The following SHPRH variants were observed in gnomAD, a reference collection of about 807,000 sequenced individuals.
SHPRH encodes SNF2 histone linker PHD RING helicase.
Under a neutral mutation model 202.5 loss-of-function variants are expected in SHPRH, and 106 were observed. The ratio of observed to expected loss-of-function variants is 0.52; its 90% confidence interval spans 0.45 to 0.62. The LOEUF is 0.62. SHPRH is among the 20% of genes least tolerant of loss of function. The probability of loss-of-function intolerance (pLI) is 0.00; values close to 1 mark genes in which losing one functional copy is unlikely to be tolerated. For synonymous variants in SHPRH, 729 were observed against 686.0 expected, an observed-to-expected ratio of 1.06 and a Z score of -0.98; for missense variants, 1,710 against 2,020.0, an observed-to-expected ratio of 0.85 and a Z score of 2.94.
intron 2 of SHPRH, among the ~76,000 whole-genome samples, chr6:145,869,546 A>C (rs912688058): frequency 5.9e-5 from 9 of 152,160 alleles, no homozygotes; most frequent in African/African-American, 1.9e-4. Context: ...TTGTGTGTGG[A>C]TGTCCATTTG....
downstream of SHPRH, among the ~76,000 whole-genome samples, chr6:145,860,221 G>C (rs1365956425): frequency 6.6e-6 from 1 of 151,826 alleles, no homozygotes; most frequent in East Asian, 1.9e-4. Context: ...CTTATATCAT[G>C]CACATAACAT....
At chr6:145,956,074 C>A (rs962721944) in intron 1 of SHPRH, among the ~76,000 whole-genome samples, 8 of 151,932 alleles carry the variant, frequency 5.3e-5, no homozygotes, top group Non-Finnish European at 1.0e-4. Flanking sequence ...GCAGAATAAG[C>A]TTAAACAATG....
At chr6:145,862,474 GA>G (rs1169013334), downstream of SHPRH, among the ~76,000 whole-genome samples, 1 of 151,404 alleles carries the variant, frequency 6.6e-6, no homozygotes, top group Non-Finnish European at 1.5e-5. Flanking sequence ...AAAACAAAAA[GA>G]AAAAACAAAA....
At chr6:145,913,343 T>C (rs1783664402) in intron 24 of SHPRH, 135 bp downstream of exon 24, 1 of 704,804 alleles carries the variant, frequency 1.4e-6, no homozygotes, top group Non-Finnish European at 2.3e-6. Context: ...CCTCTAGTGC[T>C]ATCTTTAAGA....
chr6:145,944,575 G>A (rs983423656), intron 8 of SHPRH, among the ~76,000 whole-genome samples: 1 of 151,926 alleles, frequency 6.6e-6, no homozygotes, highest in Non-Finnish European at 1.5e-5. Context: ...TTTGGTGGTA[G>A]CAGGATTACC....
intron 21 of SHPRH, among the ~76,000 whole-genome samples, chr6:145,920,444 A>C (rs1327564000): frequency 6.6e-6 from 1 of 152,140 alleles, no homozygotes; most frequent in African/African-American, 2.4e-5. Context: ...TTTTGATGTT[A>C]TAAATGTATT....
intron 2 of SHPRH, among the ~76,000 whole-genome samples, chr6:145,868,031 TCA>T (rs1300299328): frequency 6.6e-6 from 1 of 152,166 alleles, no homozygotes; most frequent in Non-Finnish European, 1.5e-5. Flanking sequence ...ATTGTTTTTC[TCA>T]CAATTCTAGA....
At chr6:145,922,937 T>A (rs1784548274) in intron 18 of SHPRH, 101 bp from the exon 19 acceptor site, 1 of 1,313,112 alleles carries the variant, frequency 7.6e-7, no homozygotes, top group Non-Finnish European at 9.8e-7. Flanking sequence ...TTAAAGAAAC[T>A]GTTTGCTGTT....
chr6:145,899,069 C>T (rs1267212973), intron 25 of SHPRH, among the ~76,000 whole-genome samples: 2 of 152,104 alleles, frequency 1.3e-5, no homozygotes, highest in Non-Finnish European at 2.9e-5. Flanking sequence ...CTGCCTTGGC[C>T]TCCCAAGGCA....
rs1204536481 is a variant in SHPRH at position 145,926,239 on chromosome 6, G to A, written c.3259C>T (p.Pro1087Ser). 1.2e-6 allele frequency: 2 copies of A among 1,612,928 alleles called. No individual in the cohort carries two copies. The highest frequency in any genetic ancestry group is 1.7e-6 in the Non-Finnish European group (2 of 1,179,248). Residue 1087 changes from proline to serine, a missense_variant, in exon 16 of 30, where the codon CCA becomes TCA. By Grantham distance (74) the Pro-to-Ser change is moderately conservative. Coordinates refer to ENST00000275233, the MANE Select transcript of SHPRH (RefSeq NM_001042683.3). Reference protein sequence around the residue: ...ELLIARHPGIPPTLRDGRLEE... With the variant: ...ELLIARHPGISPTLRDGRLEE... ...AGTCGGCCATCACGCAAGGTAGGTG[G>A]TATCCCTGGGTGCCTGGCTATCAAC... is the stretch of plus-strand genomic sequence containing the variant.
chr6:145,943,188 C>T lies in SHPRH; in HGVS notation c.2193G>A (p.Val731=). 1 of 1,612,328 alleles carries T rather than the reference C, an allele frequency of 6.2e-7. No individual in the cohort carries two copies. Among genetic ancestry groups the T allele is most frequent in the Non-Finnish European group, 8.5e-7 (1 of 1,179,006 alleles). ...ISPSSICHQW[V]DEINRHVRSS... ...ACCTCACATGCCTGTTGATCTCATC[C>T]ACCCACTGGTGACAGATGGAACTTG... The change falls in exon 9 of 30, where the codon GTG becomes GTA. Residue 731 remains valine, a synonymous_variant. Transcript: ENST00000275233.
intron 28 of SHPRH, among the ~76,000 whole-genome samples, chr6:145,890,808 C>T (rs1048506392): frequency 6.6e-6 from 1 of 152,200 alleles, no homozygotes; most frequent in Admixed American, 6.5e-5. Flanking sequence ...CTTCATCCTT[C>T]TAGTTGTCCA....
chr6:145,946,093 T>C (rs935742428), intron 7 of SHPRH, 140 bp downstream of exon 7: 19 of 590,628 alleles, frequency 3.2e-5, no homozygotes, highest in African/African-American at 9.6e-5. Context: ...TTATGACTTG[T>C]AATTGAATTC....
chr6:145,955,247 G>A lies in SHPRH; in HGVS notation c.76C>T (p.His26Tyr), dbSNP rs1466854443. 6.2e-7 allele frequency: 1 copy of A among 1,612,864 alleles called. No individual in the cohort carries two copies. Among genetic ancestry groups the A allele is most frequent in the Non-Finnish European group, 8.5e-7 (1 of 1,179,898 alleles). ...EKRQQLHWNM[H>Y]EDRRNEPIII... is the part of the protein sequence containing the mutation. ...ATAGGTTCATTCCTTCTGTCCTCAT[G>A]CATATTCCAATGAAGCTGCTGCCTC... The change falls in exon 2 of 30, where the codon CAT (histidine) becomes TAT (tyrosine). Residue 26 changes from histidine to tyrosine, a missense_variant. His to Tyr is a moderately conservative substitution (Grantham distance 83). Around this residue, in one of 8 missense-constraint regions of SHPRH, gnomAD observed 459 missense variants for 426.5 expected, o/e 1.08. Transcript: ENST00000275233.
chr6:145,935,075 C>G lies in SHPRH; in HGVS notation c.2822G>C (p.Cys941Ser). The stretch of plus-strand genomic sequence containing the variant: ...GAGTTTTACCACCACATCCTGGCAG[C>G]ACACCTCATGCTGACGGTGATAGAA... Reference protein sequence around the residue: ...RHFYHRQHEVCCQDVVVKLRK... With the variant: ...RHFYHRQHEVSCQDVVVKLRK... The change falls in exon 13 of 30, where the codon TGC becomes TCC. Residue 941 changes from cysteine to serine, a missense_variant. By Grantham distance (112) the Cys-to-Ser change is moderately radical. Coordinates refer to ENST00000275233, the MANE Select transcript of SHPRH (RefSeq NM_001042683.3). The G allele has an allele frequency of 6.2e-7, 1 of 1,613,712 alleles. No individual in the cohort carries two copies. The highest frequency in any genetic ancestry group is 8.5e-7 in the Non-Finnish European group (1 of 1,179,958).
chr6:145,929,621 T>G (rs147129158), intron 14 of SHPRH, among the ~76,000 whole-genome samples: 19 of 152,154 alleles, frequency 1.2e-4, no homozygotes, highest in Admixed American at 3.3e-4. Context: ...AGTTGAAAAT[T>G]ACAATTCAGA....
Position 145,885,702 on chromosome 6 carries a change from T to C in SHPRH, c.*989A>G, listed in dbSNP as rs948262721. 1.1e-4 allele frequency: 17 copies of C among 152,194 alleles called. No individual in the cohort carries two copies. Among genetic ancestry groups the C allele is most frequent in the African/African-American group, 4.1e-4 (17 of 41,464 alleles). The allele number at this position is 152,194 out of a possible 1,614,324, so 9.4% of individuals were successfully genotyped here. On this transcript the variant is annotated 3_prime_UTR_variant, in exon 30 of 30. Transcript: ENST00000275233. ...TTATGTGAACATGGCATTCTCTTGT[T>C]CAAAAGGTCAAAGACTCGTGCTTAA...
chr6:145,950,229 A>G (rs1008271394), intron 4 of SHPRH, 35 bp downstream of exon 4: 1 of 1,584,012 alleles, frequency 6.3e-7, no homozygotes, highest in Non-Finnish European at 8.7e-7. Context: ...AATCTCTCTA[A>G]TCAATTGGAC....
At chr6:145,916,591 C>T (rs1417197375) in intron 23 of SHPRH, among the ~76,000 whole-genome samples, 2 of 151,836 alleles carry the variant, frequency 1.3e-5, no homozygotes, top group Non-Finnish European at 2.9e-5. Flanking sequence ...AATGCTTTTT[C>T]TTTTATTAAC....
Sources: allele counts gnomAD v4.1 joint callset (sites outside exome capture counted in the v4.1 genomes callset), GRCh38; gene constraint gnomAD v4.1.1; regional missense constraint gnomAD v4.1.1; transcripts MANE v1.5; gene names NCBI Gene and HGNC (gene_info 2026-07-23, HGNC 2026-07-21).